The following CAMKK2 variants were observed in gnomAD, a reference collection of about 807,000 sequenced individuals.
The protein encoded by CAMKK2 is calcium/calmodulin-dependent protein kinase kinase 2.
A neutral mutation model predicts 67.2 loss-of-function variants in CAMKK2; 30 were observed. The ratio of observed to expected loss-of-function variants is 0.45; its 90% CI spans 0.33 to 0.61. CAMKK2 has a LOEUF of 0.61. CAMKK2 is among the 20% of genes least tolerant of loss of function. The pLI is 0.02. For synonymous variants in CAMKK2, 322 were observed against 326.2 expected, an observed-to-expected ratio of 0.99 and a Z score of 0.14; for missense variants, 643 against 802.0, an observed-to-expected ratio of 0.80 and a Z score of 2.39.
At chr12:121,261,033 C>T (rs1464221553) in intron 6 of CAMKK2, among the ~76,000 whole-genome samples, 1 of 151,728 alleles carries the variant, frequency 6.6e-6, no homozygotes, top group Non-Finnish European at 1.5e-5. Context: ...TATCTGGGCT[C>T]AAGTGACTCC....
At chr12:121,293,126 A>C (rs934130256) in intron 1 of CAMKK2, among the ~76,000 whole-genome samples, 5 of 151,626 alleles carry the variant, frequency 3.3e-5, no homozygotes, top group Non-Finnish European at 5.9e-5. Context: ...AAATACAAAA[A>C]ATTAGCCAGG....
rs549992371 is a variant in CAMKK2 at position 121,242,868 on chromosome 12, G to A, written c.1596+1705C>T. Among the ~76,000 whole-genome samples, 44 of 151,592 alleles carry A rather than the reference G, an allele frequency of 2.9e-4. No individual in the cohort carries two copies. The South Asian group carries it at 6.3e-3, about 22-fold the overall frequency. On this transcript the variant is annotated intron_variant, in intron 16 of 16. Transcript: ENST00000404169. ...CGCCATTCTCCTGCCTCAGCCTCCC[G>A]AGTAGCTGGGACTACAGGCGCCCGC...
At chr12:121,270,576 C>T (rs1163729954) in intron 3 of CAMKK2, among the ~76,000 whole-genome samples, 34 of 152,042 alleles carry the variant, frequency 2.2e-4, no homozygotes, top group Admixed American at 2.2e-3. Context: ...TGATACCCCC[C>T]ATTAGCTAAA....
chr12:121,256,104 C>G lies in CAMKK2; in HGVS notation c.797-300G>C, dbSNP rs185960060. On this transcript the variant is annotated intron_variant, in intron 7 of 16. Transcript: ENST00000404169. ...AGAAAACACGGCAGGGGGCTGGGCACGGTGGCTCACGCCAGTGTAATCCCA... is the reference window on the plus strand; with the variant it reads ...AGAAAACACGGCAGGGGGCTGGGCAGGGTGGCTCACGCCAGTGTAATCCCA... Among the ~76,000 whole-genome samples, 3 of 152,164 alleles carry G rather than the reference C, an allele frequency of 2.0e-5. No individual in the cohort carries two copies. In the East Asian group the frequency reaches 5.8e-4, roughly 29 times the overall value.
At chr12:121,294,787 G>A (rs1900799601) in intron 1 of CAMKK2, among the ~76,000 whole-genome samples, 2 of 152,182 alleles carry the variant, frequency 1.3e-5, no homozygotes, top group Admixed American at 1.3e-4. Context: ...GATTTGGTAG[G>A]CATTAAATGA....
intron 1 of CAMKK2, among the ~76,000 whole-genome samples, chr12:121,294,305 G>A (rs763680551): frequency 4.6e-5 from 7 of 151,958 alleles, no homozygotes; most frequent in East Asian, 3.9e-4. Context: ...CCTGACTCCC[G>A]CCCACTAAAA....
chr12:121,264,178 A>C (rs1056668405), intron 5 of CAMKK2, among the ~76,000 whole-genome samples: 7 of 152,202 alleles, frequency 4.6e-5, no homozygotes, highest in African/African-American at 9.6e-5. Flanking sequence ...TCACATCCCC[A>C]GTCCATGCCC....
chr12:121,277,726 G>C (rs55892943), intron 1 of CAMKK2, among the ~76,000 whole-genome samples: 7,361 of 152,208 alleles, frequency 0.048, 564 homozygotes, highest in African/African-American at 0.17. Flanking sequence ...CAACACCTTG[G>C]GAGGCCAAGG....
intron 1 of CAMKK2, among the ~76,000 whole-genome samples, chr12:121,291,136 G>A (rs1192239482): frequency 6.6e-6 from 1 of 152,150 alleles, no homozygotes; most frequent in East Asian, 1.9e-4. Flanking sequence ...GGGTTTAAAT[G>A]GGGAGCCACG....
At chr12:121,252,633 TG>T in intron 11 of CAMKK2, 27 bp downstream of exon 11, 1 of 1,610,692 alleles carries the variant, frequency 6.2e-7, no homozygotes, top group Non-Finnish European at 8.5e-7. Flanking sequence ...CCAGCAGTAC[TG>T]AGGGGACAGA....
intron 1 of CAMKK2, among the ~76,000 whole-genome samples, chr12:121,277,366 C>A (rs1897010557): frequency 1.3e-5 from 2 of 152,198 alleles, no homozygotes; most frequent in South Asian, 2.1e-4. Context: ...ATATAACCAG[C>A]AATTCCTCTC....
intron 1 of CAMKK2, among the ~76,000 whole-genome samples, chr12:121,276,823 T>C (rs1002868855): frequency 7.4e-6 from 1 of 135,620 alleles, no homozygotes; most frequent in Non-Finnish European, 1.5e-5. Context: ...GAGGCGGAGG[T>C]TGCAGTGAGC....
chr12:121,244,714 C>A (rs1384081024), intron 15 of CAMKK2, 99 bp from the exon 16 acceptor site: 2 of 968,792 alleles, frequency 2.1e-6, no homozygotes, highest in Admixed American at 4.9e-5. Context: ...ACCCCAAACA[C>A]CAGCTTCATA....
rs115127549 is a variant in CAMKK2 at position 121,284,069 on chromosome 12, G to A, written c.-59-9484C>T. 3.6e-3 allele frequency among the ~76,000 whole-genome samples: 549 copies of A among 152,264 alleles called. 6 individuals are homozygous for A. The highest frequency in any genetic ancestry group is 0.013 in the African/African-American group (526 of 41,548). On this transcript the variant is annotated intron_variant, in intron 1 of 16. Transcript: ENST00000404169. ...GGACAGGCTGCCTGCCACGGCCCAC[G>A]CCCTCCCCTCGGCCCACATCTCATG...
chr12:121,270,855 C>T, intron 3 of CAMKK2, 43 bp downstream of exon 3: 1 of 1,528,554 alleles, frequency 6.5e-7, no homozygotes, highest in Non-Finnish European at 9.1e-7. Context: ...TCTGAACGCC[C>T]CTGGTGAATG....
intron 10 of CAMKK2, among the ~76,000 whole-genome samples, chr12:121,252,955 C>T (rs909053613): frequency 6.6e-6 from 1 of 152,174 alleles, no homozygotes; most frequent in Non-Finnish European, 1.5e-5. Context: ...CAATCAGAGC[C>T]AACCCCAGGG....
chr12:121,250,850 C>G (rs1890570862), intron 11 of CAMKK2, among the ~76,000 whole-genome samples: 1 of 152,118 alleles, frequency 6.6e-6, no homozygotes. Flanking sequence ...TCTCAGAAGT[C>G]ATCAGAAATA....
intron 4 of CAMKK2, 73 bp from the exon 5 acceptor site, chr12:121,268,762 G>T: frequency 1.4e-6 from 2 of 1,450,600 alleles, no homozygotes; most frequent in Non-Finnish European, 9.7e-7. Context: ...GAAGGAGGGC[G>T]CAGTCGGGGT....
At position 121,240,438 on chromosome 12, in the gene CAMKK2, A is replaced by G; in HGVS notation, c.*261T>C. On this transcript the variant is annotated 3_prime_UTR_variant, in exon 17 of 17. Transcript: ENST00000404169. The surrounding 1 kb of genome is among the most constrained non-coding windows in gnomAD (Gnocchi z 4.4). The stretch of plus-strand genomic sequence containing the variant: ...AACGTTTTAAAAAGCAATTGTCCCA[A>G]AATGCACGTGGGTTTGGGTCTGCAA... 1 of 1,522,092 alleles carries G rather than the reference A, an allele frequency of 6.6e-7. No individual in the cohort carries two copies. Among genetic ancestry groups the G allele is most frequent in the East Asian group, 2.4e-5 (1 of 40,862 alleles). 94.3% of individuals were successfully genotyped at this position (1,522,092 alleles called of 1,614,324 possible).
Sources: allele counts gnomAD v4.1 joint callset (sites outside exome capture counted in the v4.1 genomes callset), GRCh38; gene constraint gnomAD v4.1.1; non-coding constraint Gnocchi (gnomAD v3.1); transcripts MANE v1.5; gene names NCBI Gene and HGNC (gene_info 2026-07-23, HGNC 2026-07-21).